EIF2AK4: variants seen among roughly 807,000 people sequenced by gnomAD.
The protein encoded by EIF2AK4 is eIF-2-alpha kinase GCN2.
A neutral mutation model predicts 211.1 loss-of-function variants in EIF2AK4; 139 were observed. The observed-to-expected ratio is 0.66, with a 90% confidence interval of 0.57 to 0.76. EIF2AK4 has a LOEUF of 0.76. EIF2AK4 is among the 30% of genes least tolerant of loss of function. The probability of loss-of-function intolerance (pLI) is 0.00; values close to 1 mark genes in which losing one functional copy is unlikely to be tolerated. For synonymous variants in EIF2AK4, 710 were observed against 751.3 expected (o/e 0.94, Z 0.90); for missense variants, 1,664 against 2,043.8 (o/e 0.81, Z 3.58).
chr15:39,963,657 C>T (rs1174489421), intron 7 of EIF2AK4, among the ~76,000 whole-genome samples: 1 of 152,086 alleles, frequency 6.6e-6, no homozygotes, highest in Non-Finnish European at 1.5e-5. Flanking sequence ...ATAGATATGA[C>T]TATAGCACTA....
chr15:40,006,871 A>G, intron 23 of EIF2AK4, 145 bp from the exon 24 acceptor site: 1 of 611,354 alleles, frequency 1.6e-6, no homozygotes, highest in Non-Finnish European at 2.9e-6. Flanking sequence ...TGAGCAGTGC[A>G]TAACTTAGTG....
intron 30 of EIF2AK4, chr15:40,020,502 A>G (rs2035369902): frequency 1.3e-5 from 1 of 74,538 alleles, no homozygotes; most frequent in African/African-American, 4.5e-5. Context: ...CCAAATATAT[A>G]TATGTATATA....
In EIF2AK4 at chr15:39,939,525, C is replaced by T; in HGVS notation, c.165C>T (p.Ile55=). The T allele has an allele frequency of 6.2e-7, 1 of 1,602,058 alleles. No individual in the cohort carries two copies. Among genetic ancestry groups the T allele is most frequent in the East Asian group, 2.2e-5 (1 of 44,638 alleles). ...TTTAGGTCAAAGAGCCCCCTGAAATCAATTTAGTTTTGTACCCTCAAGGCC... is the reference window on the plus strand; with the variant it reads ...TTTAGGTCAAAGAGCCCCCTGAAATTAATTTAGTTTTGTACCCTCAAGGCC... ...ACGPVKEPPE[I]NLVLYPQGLT... is the part of the protein sequence containing the mutation. Residue 55 remains isoleucine, a synonymous_variant, in exon 2 of 39, where the codon ATC becomes ATT. Coordinates refer to ENST00000263791, the MANE Select transcript of EIF2AK4 (RefSeq NM_001013703.4).
rs1324481062 is a variant in EIF2AK4, at chr15:39,965,813, A to G, written c.987A>G (p.Glu329=). 1 of 1,613,980 alleles carries G rather than the reference A, an allele frequency of 6.2e-7. No homozygotes were observed. The highest frequency in any genetic ancestry group is 8.5e-7 in the Non-Finnish European group (1 of 1,179,948). Residue 329 remains glutamate (E), a synonymous_variant, in exon 8 of 39, where the codon GAA becomes GAG. Coordinates refer to ENST00000263791, the MANE Select transcript of EIF2AK4 (RefSeq NM_001013703.4). The stretch of plus-strand genomic sequence containing the variant: ...TGGGTCCATTCCTTACCAGTCAAGA[A>G]AAAGAGAAGATTGATAAGTGCAAAA... ...KKMGPFLTSQ[E]KEKIDKCKKQ... is the part of the protein sequence containing the mutation.
intron 4 of EIF2AK4, among the ~76,000 whole-genome samples, chr15:39,950,515 C>T (rs561469190): frequency 1.3e-5 from 2 of 150,510 alleles, no homozygotes; most frequent in African/African-American, 2.4e-5. Flanking sequence ...TGCTCGAACC[C>T]GGGAGGAGGA....
intron 25 of EIF2AK4, 56 bp downstream of exon 25, chr15:40,008,251 G>A (rs2035188439): frequency 5.4e-6 from 8 of 1,478,156 alleles, no homozygotes; most frequent in East Asian, 4.9e-5. Context: ...TTCACCAAGT[G>A]TGGTGGGGAA....
intron 16 of EIF2AK4, among the ~76,000 whole-genome samples, chr15:39,990,908 G>A (rs1345752173): frequency 6.6e-6 from 1 of 152,206 alleles, no homozygotes; most frequent in Non-Finnish European, 1.5e-5. Flanking sequence ...ATAAGCAGAG[G>A]CCCCGGGGTA....
At chr15:40,032,311 GC>G in intron 36 of EIF2AK4, 74 bp downstream of exon 36, 1 of 1,363,268 alleles carries the variant, frequency 7.3e-7, no homozygotes, top group East Asian at 2.3e-5. Flanking sequence ...AGGGTTCAGA[GC>G]TTTTTTGCTC....
At chr15:39,998,267 T>G (rs562401154) in intron 19 of EIF2AK4, among the ~76,000 whole-genome samples, 54 of 122,708 alleles carry the variant, frequency 4.4e-4, no homozygotes, top group South Asian at 1.1e-3. Flanking sequence ...GTTTTTTTTT[T>G]TTGTTTTGTT....
At chr15:39,977,878 C>G in intron 12 of EIF2AK4, 200 bp from the exon 13 acceptor site, 1 of 364,568 alleles carries the variant, frequency 2.7e-6, no homozygotes, top group Non-Finnish European at 4.9e-6. Flanking sequence ...CTTAATCTGG[C>G]TAATTTTTAT....
rs147787555 is a variant in EIF2AK4, at chr15:39,970,300, T to G, written c.1553+2421T>G. On this transcript the variant is annotated intron_variant, in intron 9 of 38. Coordinates refer to ENST00000263791, the MANE Select transcript of EIF2AK4 (RefSeq NM_001013703.4). The stretch of plus-strand genomic sequence containing the variant: ...GTGGCTATAAATCTCTTAAAAATAC[T>G]GTGCATTCTAGGTAGGCTGTAACAT... Among the ~76,000 whole-genome samples, 791 of 152,358 alleles carry G rather than the reference T, an allele frequency of 5.2e-3. 5 individuals carry two copies. The highest frequency in any genetic ancestry group is 0.018 in the African/African-American group (765 of 41,592).
intron 9 of EIF2AK4, among the ~76,000 whole-genome samples, chr15:39,969,239 C>A (rs1000798629): frequency 6.6e-6 from 1 of 152,028 alleles, no homozygotes; most frequent in African/African-American, 2.4e-5. Flanking sequence ...AAGTACCTTT[C>A]CTTTCCCGTT....
intron 3 of EIF2AK4, chr15:39,946,640 C>T: frequency 1.4e-6 from 1 of 700,786 alleles, no homozygotes; most frequent in Middle Eastern, 3.3e-4. Flanking sequence ...TCAAGTGTGA[C>T]TCAAAGGCTA....
chr15:40,002,023 CTATTA>C (rs1325854366), intron 21 of EIF2AK4, among the ~76,000 whole-genome samples: 2 of 152,086 alleles, frequency 1.3e-5, no homozygotes, highest in Non-Finnish European at 2.9e-5. Context: ...GTTATATTCT[CTATTA>C]TGTTTCTGTT....
chr15:39,973,243 T>A (rs1198724717), intron 10 of EIF2AK4, among the ~76,000 whole-genome samples: 1 of 152,176 alleles, frequency 6.6e-6, no homozygotes, highest in African/African-American at 2.4e-5. Flanking sequence ...TCTTGTAGTG[T>A]TTAGTCACCC....
rs2034727572 is a variant in EIF2AK4 at position 39,978,163 on chromosome 15, G to T, written c.2319+16G>T. ...TCAGAATCAGGTATATATATGAATA[G>T]AAATTATATCATTTTATTCGTGATA... On this transcript the variant is annotated intron_variant, in intron 13 of 38. Coordinates refer to ENST00000263791, the MANE Select transcript of EIF2AK4 (RefSeq NM_001013703.4). The T allele has an allele frequency of 7.2e-7, 1 of 1,387,604 alleles. No homozygotes were observed. The highest frequency in any genetic ancestry group is 1.4e-5 in the South Asian group (1 of 73,038). The allele number at this position is 1,387,604 out of a possible 1,614,324, so 86.0% of individuals were successfully genotyped here. A position where few individuals can be genotyped will look rare whatever the true frequency, so the allele number is the denominator to read the frequency against.
chr15:39,955,850 G>A, intron 6 of EIF2AK4, 82 bp downstream of exon 6: 2 of 1,420,556 alleles, frequency 1.4e-6, no homozygotes, highest in Non-Finnish European at 1.9e-6. Context: ...GAAATTTGAT[G>A]GAAATTTCAG....
chr15:40,018,379 G>C (rs1368429420), intron 29 of EIF2AK4, among the ~76,000 whole-genome samples: 1 of 152,034 alleles, frequency 6.6e-6, no homozygotes, highest in Non-Finnish European at 1.5e-5. Context: ...GGTTTGCTTA[G>C]CTTCTTAAAT....
chr15:39,941,717 T>G (rs489424), intron 2 of EIF2AK4, among the ~76,000 whole-genome samples: 62,745 of 151,916 alleles, frequency 0.41, 15,346 homozygotes, highest in East Asian at 0.85. Flanking sequence ...TGTTGTGGGG[T>G]CCTTCCTGGG....
Sources: allele counts gnomAD v4.1 joint callset (sites outside exome capture counted in the v4.1 genomes callset), GRCh38; gene constraint gnomAD v4.1.1; transcripts MANE v1.5; gene names NCBI Gene and HGNC (gene_info 2026-07-23, HGNC 2026-07-21).